Variants in ACOX3 observed in about 807,000 individuals in gnomAD.
ACOX3 encodes the protein peroxisomal acyl-coenzyme A oxidase 3.
A neutral mutation model predicts 81.5 loss-of-function variants in ACOX3; 73 were observed. That is an observed-to-expected ratio of 0.90 (90% confidence interval 0.74 to 1.09). ACOX3 has a LOEUF of 1.09. Among genes scored for constraint, ACOX3 ranks in the 50% least tolerant of loss-of-function variants. The probability of loss-of-function intolerance (pLI) is 0.00; values close to 1 mark genes in which losing one functional copy is unlikely to be tolerated. For synonymous variants in ACOX3, 387 were observed against 375.1 expected (o/e 1.03, Z -0.37); for missense variants, 947 against 928.0 (o/e 1.02, Z -0.27).
Position 8,407,741 on chromosome 4 carries a change from C to T in ACOX3, c.688-1698G>A, listed in dbSNP as rs1388187620. Reference sequence around the variant, plus strand: ...GGCTATGAATATTCTGGTCAATCACCGCTCCCCAAGATACAGGTCCAGCCA... The same window carrying T: ...GGCTATGAATATTCTGGTCAATCACTGCTCCCCAAGATACAGGTCCAGCCA... On this transcript the variant is annotated intron_variant, in intron 6 of 17. Coordinates refer to ENST00000356406, the MANE Select transcript of ACOX3 (RefSeq NM_003501.3). The surrounding 1 kb of genome is among the most constrained non-coding windows in gnomAD (Gnocchi z 4.6). Among the ~76,000 whole-genome samples, 3 of 152,322 alleles carry T rather than the reference C, an allele frequency of 2.0e-5. No individual in the cohort carries two copies. Among genetic ancestry groups the T allele is most frequent in the South Asian group, 2.1e-4 (1 of 4,824 alleles).
the ACOX3 span, among the ~76,000 whole-genome samples, chr4:8,360,526 C>T: frequency 3.3e-5 from 5 of 149,666 alleles, no homozygotes; most frequent in Admixed American, 1.3e-4. Flanking sequence ...GGCTGGAGGG[C>T]AGTGGTGCGA....
chr4:8,422,006 C>G (rs187398174), intron 1 of ACOX3, among the ~76,000 whole-genome samples: 84 of 152,308 alleles, frequency 5.5e-4, no homozygotes, highest in African/African-American at 1.9e-3. Flanking sequence ...CAGAATAGAT[C>G]AGGAAGAAAG....
rs1017293462 is a variant in ACOX3, at chr4:8,368,223, G to C, written c.1984-1143C>G. Reference sequence around the variant, plus strand: ...TGGGCCACCACACCCTGCTCCTCTGGTCCTGCCCCGGGCCAGCACTCCCCT... The same window carrying C: ...TGGGCCACCACACCCTGCTCCTCTGCTCCTGCCCCGGGCCAGCACTCCCCT... On this transcript the variant is annotated intron_variant, in intron 17 of 17. Transcript: ENST00000356406. The surrounding 1 kb of genome is among the most constrained non-coding windows in gnomAD (Gnocchi z 5.9). 2.6e-5 allele frequency among the ~76,000 whole-genome samples: 4 copies of C among 152,206 alleles called. No homozygotes were observed. The highest frequency in any genetic ancestry group is 6.5e-5 in the Admixed American group (1 of 15,282).
Position 8,366,728 on chromosome 4 carries a change from A to G in ACOX3, c.*233T>C. The G allele has an allele frequency of 2.3e-6, 1 of 437,440 alleles. No homozygotes were observed. The highest frequency in any genetic ancestry group is 4.1e-6 in the Non-Finnish European group (1 of 242,442). The allele number at this position is 437,440 out of a possible 1,614,324, so 27.1% of individuals were successfully genotyped here. On this transcript the variant is annotated 3_prime_UTR_variant, in exon 18 of 18. Coordinates refer to ENST00000356406, the MANE Select transcript of ACOX3 (RefSeq NM_003501.3). The stretch of plus-strand genomic sequence containing the variant: ...CACGGCGCATCAGGTAGACATGATC[A>G]TCTGCATTTCTTTTCCACGCTGCAA...
chr4:8,357,061 G>A, the ACOX3 span: 1,574 of 455,820 alleles, frequency 3.5e-3, 20 homozygotes, highest in African/African-American at 0.029. Context: ...AAAGTGTGGA[G>A]AACGGTGCAC....
chr4:8,439,851 C>T (rs1337909315), intron 1 of ACOX3, among the ~76,000 whole-genome samples: 1 of 152,202 alleles, frequency 6.6e-6, no homozygotes, highest in Non-Finnish European at 1.5e-5. Context: ...GATAAGGAGA[C>T]CACTACTACT....
chr4:8,433,510 T>TA (rs1305449928), intron 1 of ACOX3, among the ~76,000 whole-genome samples: 2 of 152,238 alleles, frequency 1.3e-5, no homozygotes, highest in Non-Finnish European at 2.9e-5. Context: ...CCACCAAACT[T>TA]ACGGTAATTT....
chr4:8,360,946 A>G, the ACOX3 span, among the ~76,000 whole-genome samples: 1 of 152,136 alleles, frequency 6.6e-6, no homozygotes, highest in Non-Finnish European at 1.5e-5. Flanking sequence ...AGAATCCCCA[A>G]CTTACCAAGG....
rs1721558246 is a variant in ACOX3 at position 8,410,107 on chromosome 4, C to T, written c.687+105G>A. ...GTGTCCCTGGTCCACTCACCAGATG[C>T]CAGAAGCATGCCCCACCCTTGTTAT... On this transcript the variant is annotated intron_variant, in intron 6 of 17. Coordinates refer to ENST00000356406, the MANE Select transcript of ACOX3 (RefSeq NM_003501.3). The T allele has an allele frequency of 7.7e-6, 11 of 1,423,504 alleles. No individual in the cohort carries two copies. The Admixed American group carries it at 1.8e-4, about 24-fold the overall frequency. The allele number at this position is 1,423,504 out of a possible 1,614,324, so 88.2% of individuals were successfully genotyped here. A position where few individuals can be genotyped will look rare whatever the true frequency, so the allele number is the denominator to read the frequency against.
At chr4:8,355,535 C>T in the ACOX3 span, 7 of 152,264 alleles carry the variant, frequency 4.6e-5, no homozygotes, top group Non-Finnish European at 1.0e-4. Flanking sequence ...TATCACACCT[C>T]GAAATACATT....
At position 8,370,535 on chromosome 4, in the gene ACOX3, C is replaced by A. The variant is rs1716050610; in HGVS notation, c.1983+373G>T. ...TCCAGGACAGGGATGGGGGAAGAGG[C>A]CTGCAGGGCCAGGAGCATGGTCAGA... On this transcript the variant is annotated intron_variant, in intron 17 of 17. Coordinates refer to ENST00000356406, the MANE Select transcript of ACOX3 (RefSeq NM_003501.3). This position sits in a 1 kb window ranked among gnomAD's most constrained non-coding sequence, Gnocchi z 6.3. Among the ~76,000 whole-genome samples, 1 of 151,406 alleles carries A rather than the reference C, an allele frequency of 6.6e-6. No homozygotes were observed. The highest frequency in any genetic ancestry group is 2.1e-4 in the South Asian group (1 of 4,756).
At chr4:8,358,577 A>C in the ACOX3 span, among the ~76,000 whole-genome samples, 1 of 152,210 alleles carries the variant, frequency 6.6e-6, no homozygotes, top group Non-Finnish European at 1.5e-5. Context: ...AGGATGAGAT[A>C]GGAGGTCAGC....
intron 14 of ACOX3, among the ~76,000 whole-genome samples, chr4:8,376,834 T>C (rs535318765): frequency 7.0e-6 from 1 of 142,738 alleles, no homozygotes; most frequent in Non-Finnish European, 1.5e-5. Context: ...TCTGGGGCAG[T>C]AGGGACTGCC....
In ACOX3 at chr4:8,397,021, G is replaced by C. The variant is rs780589419; in HGVS notation, c.972C>G (p.Ala324=). 21 of 1,611,680 alleles carry C rather than the reference G, an allele frequency of 1.3e-5. No individual in the cohort carries two copies. The highest frequency in any genetic ancestry group is 1.8e-5 in the Non-Finnish European group (21 of 1,179,110). Residue 324 remains alanine, a synonymous_variant, in exon 9 of 18, where the codon GCC becomes GCG. Coordinates refer to ENST00000356406, the MANE Select transcript of ACOX3 (RefSeq NM_003501.3). The part of the protein sequence containing the change: ...LAILNLKLAV[A]IALRFSATRR... Reference sequence around the variant, plus strand: ...GAGTGGCTGAGAAGCGAAGAGCGATGGCCACGGCCAGCTTTAGGTTAAGGA... The same window carrying C: ...GAGTGGCTGAGAAGCGAAGAGCGATCGCCACGGCCAGCTTTAGGTTAAGGA...
chr4:8,421,851 C>G (rs1393872173), intron 1 of ACOX3, among the ~76,000 whole-genome samples: 1 of 152,170 alleles, frequency 6.6e-6, no homozygotes, highest in East Asian at 1.9e-4. Flanking sequence ...GGATTGCTCT[C>G]CCATTGTGTA....
chr4:8,413,256 GCA>G (rs1721954111), intron 5 of ACOX3, among the ~76,000 whole-genome samples: 1 of 37,468 alleles, frequency 2.7e-5, no homozygotes. Context: ...CCTCCACCCC[GCA>G]CCCCTCCACA....
chr4:8,375,243 G>C lies in ACOX3; in HGVS notation c.1654-91C>G. 5 of 1,309,854 alleles carry C rather than the reference G, an allele frequency of 3.8e-6. No homozygotes were observed. In the South Asian group the frequency reaches 7.2e-5, roughly 19 times the overall value. The allele number at this position is 1,309,854 out of a possible 1,614,324, so 81.1% of individuals were successfully genotyped here. ...GAAGTTCTCAGGAAACACGAACGCG[G>C]GTCTGCGTTCCCGTGCATGTCCTAG... On this transcript the variant is annotated intron_variant, in intron 14 of 17. Transcript: ENST00000356406.
intron 13 of ACOX3, among the ~76,000 whole-genome samples, chr4:8,388,949 G>C (rs1425022098): frequency 6.6e-6 from 1 of 152,182 alleles, no homozygotes; most frequent in Non-Finnish European, 1.5e-5. Flanking sequence ...AAGGTGGCAA[G>C]TGGGCATCCT....
At chr4:8,436,126 C>T (rs189049058) in intron 1 of ACOX3, 1 of 152,308 alleles carries the variant, frequency 6.6e-6, no homozygotes, top group African/African-American at 2.4e-5. Context: ...CATTGATCTA[C>T]TAAACTGGAA....
Sources: gnomAD v4.1 joint callset for allele counts (sites outside exome capture counted in the v4.1 genomes callset) on GRCh38, gnomAD v4.1.1 for gene constraint, Gnocchi (gnomAD v3.1) non-coding constraint, MANE v1.5 for transcripts, NCBI Gene and HGNC (gene_info 2026-07-23, HGNC 2026-07-21) for gene names.